CLSTN1: variants seen among roughly 807,000 people sequenced by gnomAD.
CLSTN1 encodes calsyntenin-1.
CLSTN1 carries 28 observed loss-of-function variants against 108.3 expected under a neutral mutation model. The observed-to-expected ratio is 0.26, with a 90% CI of 0.19 to 0.35. The LOEUF (loss-of-function observed/expected upper bound fraction) is 0.35, where lower values mean the gene tolerates loss of function less well. Among genes scored for constraint, CLSTN1 ranks in the 10% least tolerant of loss-of-function variants. The pLI, the probability that CLSTN1 is intolerant of heterozygous loss-of-function variation, is 1.00. For synonymous variants in CLSTN1, 524 were observed against 534.9 expected (o/e 0.98, Z 0.28); for missense variants, 1,157 against 1,302.6 (o/e 0.89, Z 1.72).
At chr1:9,813,734 G>T (rs1383303653) in intron 1 of CLSTN1, among the ~76,000 whole-genome samples, 1 of 152,092 alleles carries the variant, frequency 6.6e-6, no homozygotes, top group Non-Finnish European at 1.5e-5. Flanking sequence ...AAATCATTCT[G>T]AAGTTTCACA....
At chr1:9,799,091 G>A (rs1654139888) in intron 1 of CLSTN1, among the ~76,000 whole-genome samples, 1 of 152,138 alleles carries the variant, frequency 6.6e-6, no homozygotes. Flanking sequence ...AGAGATGGGA[G>A]GACCACTTGA....
At chr1:9,813,794 A>G (rs927800379) in intron 1 of CLSTN1, among the ~76,000 whole-genome samples, 1 of 152,080 alleles carries the variant, frequency 6.6e-6, no homozygotes, top group African/African-American at 2.4e-5. Flanking sequence ...GTGGTCCTCA[A>G]AAGTACTATA....
At chr1:9,776,321 C>A (rs1570479100) in intron 1 of CLSTN1, among the ~76,000 whole-genome samples, 1 of 152,132 alleles carries the variant, frequency 6.6e-6, no homozygotes, top group African/African-American at 2.4e-5. Context: ...CACACTACAT[C>A]CAAGCCAAGA....
intron 1 of CLSTN1, among the ~76,000 whole-genome samples, chr1:9,786,885 G>A (rs559931629): frequency 7.4e-4 from 112 of 151,418 alleles, no homozygotes; most frequent in African/African-American, 2.6e-3. Context: ...CAGGGAATGA[G>A]CAGGAACAGA....
At chr1:9,814,075 C>G (rs1654875957) in intron 1 of CLSTN1, among the ~76,000 whole-genome samples, 1 of 151,238 alleles carries the variant, frequency 6.6e-6, no homozygotes. Context: ...GCACACCAGC[C>G]TGGGTGACAG....
At position 9,735,508 on chromosome 1, in the gene CLSTN1, G is replaced by A; in HGVS notation, c.1842C>T (p.Pro614=). Residue 614 remains proline, a synonymous_variant, in exon 13 of 19, where the codon CCC becomes CCT. Transcript: ENST00000377298. ...TTTTGAGTCTGCGAATTCCGGGCGT[G>A]GGGAACTGCCGGGAGTTCAGGTACG... ...HISYLNSRQF[P]TPGIRRLKIT... 1 of 1,614,158 alleles carries A rather than the reference G, an allele frequency of 6.2e-7. No individual in the cohort carries two copies. The highest frequency in any genetic ancestry group is 8.5e-7 in the Non-Finnish European group (1 of 1,180,026).
rs1184997963 is a variant in CLSTN1, at chr1:9,729,394, G to A, written c.*1114C>T. 1 of 152,676 alleles carries A rather than the reference G, an allele frequency of 6.5e-6. No individual in the cohort carries two copies. Among genetic ancestry groups the A allele is most frequent in the African/African-American group, 2.4e-5 (1 of 41,452 alleles). 9.5% of individuals were successfully genotyped at this position (152,676 alleles called of 1,614,324 possible). On this transcript the variant is annotated 3_prime_UTR_variant, in exon 19 of 19. Coordinates refer to ENST00000377298, the MANE Select transcript of CLSTN1 (RefSeq NM_001009566.3). ...GCAAAGCAGCAGGGCTCCTGGGGGAGAGGGATTTCAACCCCCCTGATGGCA... is the reference window on the plus strand; with the variant it reads ...GCAAAGCAGCAGGGCTCCTGGGGGAAAGGGATTTCAACCCCCCTGATGGCA...
At chr1:9,790,736 G>C (rs1653724564) in intron 1 of CLSTN1, among the ~76,000 whole-genome samples, 1 of 151,358 alleles carries the variant, frequency 6.6e-6, no homozygotes, top group Non-Finnish European at 1.5e-5. Context: ...GGCTAATCTA[G>C]CGGATTCAGC....
At chr1:9,821,073 AG>A (rs772327283) in intron 1 of CLSTN1, among the ~76,000 whole-genome samples, 4 of 152,232 alleles carry the variant, frequency 2.6e-5, no homozygotes, top group African/African-American at 4.8e-5. Flanking sequence ...TGAAGAAGGC[AG>A]GTAGCTGAAG....
At chr1:9,733,942 C>T (rs1650541504) in intron 15 of CLSTN1, 30 bp downstream of exon 15, 2 of 1,585,744 alleles carry the variant, frequency 1.3e-6, no homozygotes, top group East Asian at 4.5e-5. Flanking sequence ...GCAGCCTGGC[C>T]CACCTGCGTG....
chr1:9,742,800 C>G (rs1651047342), intron 9 of CLSTN1, among the ~76,000 whole-genome samples: 1 of 151,984 alleles, frequency 6.6e-6, no homozygotes, highest in Non-Finnish European at 1.5e-5. Flanking sequence ...CCCAGCTACT[C>G]AGAAGGCTGA....
chr1:9,741,638 G>A (rs1293655637), intron 9 of CLSTN1, among the ~76,000 whole-genome samples: 4 of 152,174 alleles, frequency 2.6e-5, no homozygotes, highest in Non-Finnish European at 4.4e-5. Flanking sequence ...TAGGCCGGGC[G>A]CAGTGGCTCA....
Position 9,769,366 on chromosome 1 carries a change from T to C in CLSTN1, c.214+3906A>G, listed in dbSNP as rs116462826. Among the ~76,000 whole-genome samples the C allele has an allele frequency of 7.8e-3, 1,184 of 152,114 alleles. 19 individuals are homozygous for C. Among genetic ancestry groups the C allele is most frequent in the African/African-American group, 0.028 (1,141 of 41,466 alleles). On this transcript the variant is annotated intron_variant, in intron 2 of 18. Coordinates refer to ENST00000377298, the MANE Select transcript of CLSTN1 (RefSeq NM_001009566.3). ...ATGTTCACAGCAGCATGACCCATAA[T>C]AGCCAAAAAGTAGAAGCAACTCAAA... is the stretch of plus-strand genomic sequence containing the variant.
rs35301026 is a variant in CLSTN1 at position 9,735,108 on chromosome 1, G to A, written c.1950C>T (p.Pro650=). 279 of 1,614,188 alleles carry A rather than the reference G, an allele frequency of 1.7e-4. 1 individual carries two copies. In the African/African-American group the frequency reaches 3.3e-3, roughly 19 times the overall value. ...CACTCAGGCTGATCTTGGGCTCCTC[G>A]GGCTGTAAAACCATCACGTAGCCAT... ...PVDGYVMVLQ[P]EEPKISLSGV... Residue 650 remains proline (P), a synonymous_variant, in exon 14 of 19, where the codon CCC becomes CCT. Transcript: ENST00000377298.
chr1:9,789,267 T>A (rs973037496), intron 1 of CLSTN1, among the ~76,000 whole-genome samples: 6 of 151,404 alleles, frequency 4.0e-5, no homozygotes, highest in African/African-American at 1.4e-4. Context: ...GCCATACCGT[T>A]CTCCATAGTG....
At chr1:9,781,546 C>A (rs571471902) in intron 1 of CLSTN1, among the ~76,000 whole-genome samples, 1 of 151,430 alleles carries the variant, frequency 6.6e-6, no homozygotes, top group Non-Finnish European at 1.5e-5. Context: ...CGGGTTCAAG[C>A]GATTCTCCTG....
intron 2 of CLSTN1, among the ~76,000 whole-genome samples, chr1:9,772,121 C>T (rs1652715770): frequency 7.2e-6 from 1 of 138,368 alleles, no homozygotes; most frequent in Non-Finnish European, 1.5e-5. Flanking sequence ...GGACTACAGG[C>T]GCCCACCACC....
chr1:9,806,135 C>G (rs1289428479), intron 1 of CLSTN1, among the ~76,000 whole-genome samples: 2 of 149,788 alleles, frequency 1.3e-5, no homozygotes, highest in Non-Finnish European at 2.9e-5. Flanking sequence ...ACTAAAAATA[C>G]AAAAATTAGC....
chr1:9,735,139 G>C lies in CLSTN1; in HGVS notation c.1919C>G (p.Pro640Arg), dbSNP rs765639580. 15 of 1,613,982 alleles carry C rather than the reference G, an allele frequency of 9.3e-6. No homozygotes were observed. The highest frequency in any genetic ancestry group is 1.1e-5 in the Non-Finnish European group (13 of 1,180,002). ...TAAAACCATCACGTAGCCATCTACC[G>C]GGGGGACCGAAATGCAGGTGGCCTC... ...FNEATCISVP[P>R]VDGYVMVLQP... The change falls in exon 14 of 19, where the codon CCG (proline) becomes CGG (arginine). Residue 640 changes from proline to arginine, a missense_variant. Physicochemically the swap from Pro to Arg is moderately radical, Grantham distance 103 (BLOSUM62 -2). Transcript: ENST00000377298.
Sources: allele counts gnomAD v4.1 joint callset (sites outside exome capture counted in the v4.1 genomes callset), GRCh38; gene constraint gnomAD v4.1.1; transcripts MANE v1.5; gene names NCBI Gene and HGNC (gene_info 2026-07-23, HGNC 2026-07-21).